Variants in ODF2L observed in about 807,000 individuals in gnomAD.
ODF2L encodes outer dense fiber of sperm tails 2 like.
ODF2L carries 76 observed loss-of-function variants against 86.3 expected under a neutral mutation model. That is an observed-to-expected ratio of 0.88 (90% CI 0.73 to 1.07). The LOEUF (loss-of-function observed/expected upper bound fraction) is 1.07, where lower values mean the gene tolerates loss of function less well. Ranked by LOEUF, ODF2L falls within the 50% of genes least tolerant of loss-of-function variation. ODF2L has a pLI of 0.00. For synonymous variants in ODF2L, 241 were observed against 231.3 expected, an observed-to-expected ratio of 1.04 and a Z score of -0.38; for missense variants, 748 against 717.4, an observed-to-expected ratio of 1.04 and a Z score of -0.49.
chr1:86,390,908 T>C (rs903242474), intron 1 of ODF2L, among the ~76,000 whole-genome samples: 1 of 152,192 alleles, frequency 6.6e-6, no homozygotes, highest in Non-Finnish European at 1.5e-5. Context: ...TGTTTGCTGA[T>C]GGTATGATTC....
downstream of ODF2L, chr1:86,347,981 C>A (rs1422636283): frequency 1.3e-5 from 2 of 152,014 alleles, no homozygotes; most frequent in Non-Finnish European, 2.9e-5. Context: ...CATGAGTTGG[C>A]CATGGAAAGG....
intron 11 of ODF2L, among the ~76,000 whole-genome samples, chr1:86,363,415 T>G (rs775282578): frequency 6.6e-6 from 1 of 152,140 alleles, no homozygotes. Context: ...ATGAGATTAT[T>G]TATAAAATTT....
chr1:86,385,486 T>C, exon 3 of ODF2L: 2 of 1,593,426 alleles, frequency 1.3e-6, no homozygotes, highest in African/African-American at 2.7e-5. Context: ...TTCAATGGTG[T>C]CCTTAAATAG....
intron 1 of ODF2L, among the ~76,000 whole-genome samples, chr1:86,390,711 C>G (rs2101555417): frequency 6.6e-6 from 1 of 152,252 alleles, no homozygotes; most frequent in East Asian, 1.9e-4. Flanking sequence ...CTATGACAAA[C>G]CCATAGCCAA....
chr1:86,348,937 A>G (rs1164644433), downstream of ODF2L: 5 of 1,483,414 alleles, frequency 3.4e-6, no homozygotes, highest in African/African-American at 4.4e-5. Flanking sequence ...CCAAAGGACC[A>G]GAGTCATAAT....
At chr1:86,361,689 AAATAT>A (rs1402825901) in intron 11 of ODF2L, among the ~76,000 whole-genome samples, 2 of 152,192 alleles carry the variant, frequency 1.3e-5, no homozygotes, top group Non-Finnish European at 2.9e-5. Context: ...AAAATAAAAC[AAATAT>A]AAGATTAATA....
At chr1:86,358,796 A>T (rs1658786722) in exon 13 of ODF2L, 2 of 1,354,380 alleles carry the variant, frequency 1.5e-6, no homozygotes, top group Non-Finnish European at 2.1e-6. Flanking sequence ...CCTTCTCTAC[A>T]TTTTTATTTT....
chr1:86,380,402 G>A (rs574262509), intron 7 of ODF2L, among the ~76,000 whole-genome samples: 2 of 152,150 alleles, frequency 1.3e-5, no homozygotes, highest in East Asian at 1.9e-4. Flanking sequence ...ACAGTAAGTC[G>A]ACATAAGACA....
At chr1:86,354,254 T>C (rs564218071) in intron 16 of ODF2L, among the ~76,000 whole-genome samples, 1 of 152,312 alleles carries the variant, frequency 6.6e-6, no homozygotes, top group South Asian at 2.1e-4. Flanking sequence ...TTCAATTTGG[T>C]TGTATATAAA....
At chr1:86,376,530 C>T (rs1660187380) in intron 7 of ODF2L, 112 bp from the exon 8 acceptor site, 2 of 648,058 alleles carry the variant, frequency 3.1e-6, no homozygotes, top group South Asian at 2.3e-5. Flanking sequence ...CATTCTCACA[C>T]TGCCATAAAG....
At chr1:86,381,654 A>G (rs1660600503) in intron 7 of ODF2L, among the ~76,000 whole-genome samples, 1 of 152,024 alleles carries the variant, frequency 6.6e-6, no homozygotes, top group South Asian at 2.1e-4. Flanking sequence ...ATGATATGCC[A>G]CCTCAAATTC....
exon 9 of ODF2L, chr1:86,372,478 A>G: frequency 3.3e-6 from 5 of 1,522,496 alleles, no homozygotes; most frequent in Admixed American, 2.2e-5. Context: ...TTTCTATCAC[A>G]ATTTTCTCAT....
At chr1:86,365,807 C>T (rs1659367299) in intron 11 of ODF2L, among the ~76,000 whole-genome samples, 4 of 152,108 alleles carry the variant, frequency 2.6e-5, no homozygotes, top group Admixed American at 2.6e-4. Context: ...GGGCTAAAGG[C>T]AAGAGTGAGA....
At chr1:86,367,366 C>T (rs58200516) in intron 11 of ODF2L, among the ~76,000 whole-genome samples, 48,342 of 151,808 alleles carry the variant, frequency 0.32, 7,803 homozygotes, top group East Asian at 0.41. Context: ...AAAGGAAACA[C>T]GATGTGGGTT....
intron 8 of ODF2L, among the ~76,000 whole-genome samples, chr1:86,374,093 G>A (rs1323211270): frequency 1.3e-5 from 2 of 152,146 alleles, no homozygotes; most frequent in South Asian, 2.1e-4. Context: ...AAACAGTAAT[G>A]ACAACAATTA....
At chr1:86,353,753 C>A (rs1392747947) in intron 16 of ODF2L, among the ~76,000 whole-genome samples, 1 of 152,074 alleles carries the variant, frequency 6.6e-6, no homozygotes, top group Non-Finnish European at 1.5e-5. Flanking sequence ...ATGAGAGATG[C>A]CAGTGTGAGC....
exon 4 of ODF2L, chr1:86,384,696 TAAG>T (rs762414237): frequency 1.6e-4 from 238 of 1,503,684 alleles, no homozygotes; most frequent in African/African-American, 7.9e-4. Context: ...TCTCTCTTTC[TAAG>T]AAGATGTTCT....
chr1:86,382,082 A>T, intron 7 of ODF2L, 160 bp downstream of exon 7: 1 of 1,017,030 alleles, frequency 9.8e-7, no homozygotes, highest in Non-Finnish European at 1.3e-6. Flanking sequence ...CCAAACCTTT[A>T]GTTAGGCCAC....
At position 86,371,171 on chromosome 1, in the gene ODF2L, C is replaced by T; in HGVS notation, c.921-18G>A. The T allele has an allele frequency of 2.3e-6, 3 of 1,323,490 alleles. No homozygotes were observed. Among genetic ancestry groups the T allele is most frequent in the Non-Finnish European group, 3.1e-6 (3 of 981,270 alleles). 82.0% of individuals were successfully genotyped at this position (1,323,490 alleles called of 1,614,324 possible). A position where few individuals can be genotyped will look rare whatever the true frequency, so the allele number is the denominator to read the frequency against. The stretch of plus-strand genomic sequence containing the variant: ...TGATTTGCCTTTATAAAATCAATGA[C>T]ACATTTTATAAAAGTCATAAAAATT... On this transcript the variant is annotated intron_variant, in intron 9 of 17. Transcript: ENST00000317336.
Sources: gnomAD v4.1 joint callset for allele counts (sites outside exome capture counted in the v4.1 genomes callset) on GRCh38, gnomAD v4.1.1 for gene constraint, MANE v1.5 for transcripts, NCBI Gene and HGNC (gene_info 2026-07-23, HGNC 2026-07-21) for gene names.